Variants in ENTREP2 observed in about 807,000 individuals in gnomAD.
ENTREP2 encodes protein ENTREP2.
At chr15:29,216,798 G>T in the ENTREP2 span, among the ~76,000 whole-genome samples, 2,055 of 152,050 alleles carry the variant, frequency 0.014, 52 homozygotes, top group African/African-American at 0.047. Context: ...AAAGTAAAAA[G>T]ATGTAAATTA....
chr15:29,243,134 AAC>A, the ENTREP2 span, among the ~76,000 whole-genome samples: 1 of 151,314 alleles, frequency 6.6e-6, no homozygotes, highest in Non-Finnish European at 1.5e-5. Context: ...TCTCGCCATG[AAC>A]ACACACACAC....
At chr15:29,174,165 T>C in the ENTREP2 span, among the ~76,000 whole-genome samples, 1 of 152,224 alleles carries the variant, frequency 6.6e-6, no homozygotes, top group Non-Finnish European at 1.5e-5. Flanking sequence ...GGTATTACTC[T>C]TGATTTTGGG....
chr15:29,532,304 C>A, the ENTREP2 span, among the ~76,000 whole-genome samples: 1 of 152,284 alleles, frequency 6.6e-6, no homozygotes, highest in African/African-American at 2.4e-5. Flanking sequence ...ATATTTTACA[C>A]ATATTCTGCA....
the ENTREP2 span, among the ~76,000 whole-genome samples, chr15:29,434,650 C>T: frequency 6.6e-6 from 1 of 152,198 alleles, no homozygotes; most frequent in African/African-American, 2.4e-5. Flanking sequence ...ACATGACATA[C>T]ATACATAGAG....
chr15:29,130,055 C>T, the ENTREP2 span, among the ~76,000 whole-genome samples: 2 of 152,118 alleles, frequency 1.3e-5, no homozygotes, highest in African/African-American at 2.4e-5. Context: ...GATAGCTGGT[C>T]TCCTTCATCT....
At chr15:29,466,181 C>T in the ENTREP2 span, among the ~76,000 whole-genome samples, 3 of 152,088 alleles carry the variant, frequency 2.0e-5, no homozygotes, top group Non-Finnish European at 2.9e-5. Context: ...AGAGCAGCTC[C>T]GAGCAACAGT....
At chr15:29,630,541 G>C in the ENTREP2 span, among the ~76,000 whole-genome samples, 1 of 152,132 alleles carries the variant, frequency 6.6e-6, no homozygotes, top group Admixed American at 6.5e-5. Flanking sequence ...GGAATTTTCA[G>C]CCATTATTTC....
chr15:29,438,625 C>G, the ENTREP2 span, among the ~76,000 whole-genome samples: 2 of 152,064 alleles, frequency 1.3e-5, no homozygotes, highest in Non-Finnish European at 1.5e-5. Context: ...ACCTGAATCC[C>G]CAGCTATCCT....
chr15:29,523,948 G>C, the ENTREP2 span, among the ~76,000 whole-genome samples: 1 of 152,058 alleles, frequency 6.6e-6, no homozygotes, highest in Non-Finnish European at 1.5e-5. Flanking sequence ...AAAAGATATA[G>C]ATGTAAATTT....
At chr15:29,279,159 C>A in the ENTREP2 span, among the ~76,000 whole-genome samples, 12 of 152,236 alleles carry the variant, frequency 7.9e-5, no homozygotes, top group Admixed American at 6.5e-4. Context: ...CTTTTGAATT[C>A]TGGGGGAGAC....
At chr15:29,651,545 G>A in the ENTREP2 span, among the ~76,000 whole-genome samples, 9 of 152,260 alleles carry the variant, frequency 5.9e-5, no homozygotes, top group Non-Finnish European at 8.8e-5. Context: ...CGCAAGACCC[G>A]GGCATCTCTG....
the ENTREP2 span, among the ~76,000 whole-genome samples, chr15:29,414,410 C>A: frequency 0.01 from 1,579 of 152,052 alleles, 30 homozygotes; most frequent in African/African-American, 0.037. Context: ...CTGGGTACAT[C>A]ACGAAATGAA....
chr15:29,444,206 G>GAA, the ENTREP2 span, among the ~76,000 whole-genome samples: 2 of 144,530 alleles, frequency 1.4e-5, no homozygotes, highest in Non-Finnish European at 3.0e-5. Context: ...AAGAAAGAAA[G>GAA]AAAGAAAGAA....
At chr15:29,618,027 T>C in the ENTREP2 span, among the ~76,000 whole-genome samples, 1 of 152,192 alleles carries the variant, frequency 6.6e-6, no homozygotes. Context: ...TCTGTTTCTG[T>C]TTCCTAATTT....
At chr15:29,641,171 C>T in the ENTREP2 span, among the ~76,000 whole-genome samples, 1 of 152,150 alleles carries the variant, frequency 6.6e-6, no homozygotes, top group African/African-American at 2.4e-5. Flanking sequence ...ATAGAAGTTC[C>T]TAAGCCTGAT....
the ENTREP2 span, among the ~76,000 whole-genome samples, chr15:29,521,541 G>C: frequency 6.6e-6 from 1 of 152,274 alleles, no homozygotes; most frequent in East Asian, 1.9e-4. Context: ...GAGATTTAGA[G>C]ACATATCTGT....
the ENTREP2 span, among the ~76,000 whole-genome samples, chr15:29,599,110 T>C: frequency 6.6e-6 from 1 of 152,240 alleles, no homozygotes; most frequent in Non-Finnish European, 1.5e-5. Context: ...TTTAAGAGGA[T>C]TTTTAAACCA....
chr15:29,563,808 G>C, the ENTREP2 span, among the ~76,000 whole-genome samples: 2 of 150,920 alleles, frequency 1.3e-5, no homozygotes, highest in Non-Finnish European at 2.9e-5. Flanking sequence ...TTGCACTCCA[G>C]CCTGAGCAAC....
the ENTREP2 span, among the ~76,000 whole-genome samples, chr15:29,373,214 C>T: frequency 1.3e-5 from 2 of 151,490 alleles, no homozygotes; most frequent in Admixed American, 1.3e-4. Flanking sequence ...AGGAGAGGTC[C>T]CCTCCAAGGA....
Sources: gnomAD v4.1 joint callset for allele counts (sites outside exome capture counted in the v4.1 genomes callset) on GRCh38, gnomAD v4.1.1 for gene constraint, MANE v1.5 for transcripts, NCBI Gene and HGNC (gene_info 2026-07-23, HGNC 2026-07-21) for gene names.